PRDM7: variants seen among roughly 807,000 people sequenced by gnomAD.
The protein encoded by PRDM7 is histone-lysine N-methyltransferase PRDM7.
PRDM7 carries 52 observed loss-of-function variants against 64.3 expected under a neutral mutation model. That is an observed-to-expected ratio of 0.81 (90% CI 0.65 to 1.02). The LOEUF (loss-of-function observed/expected upper bound fraction) is 1.02. PRDM7 is among the 50% of genes least tolerant of loss of function. The pLI is 0.00. For synonymous variants in PRDM7, 192 were observed against 210.1 expected, an observed-to-expected ratio of 0.91 and a Z score of 0.74; for missense variants, 574 against 597.1, an observed-to-expected ratio of 0.96 and a Z score of 0.40.
chr16:90,057,721 G>T lies in PRDM7; in HGVS notation c.*568C>A. ...TTTCCGATCTCTTTACACTCTCGGG[G>T]AATGTAAGGGGTTAGCAGACTTTCG... is the stretch of plus-strand genomic sequence containing the variant. On this transcript the variant is annotated 3_prime_UTR_variant, in exon 11 of 11. Transcript: ENST00000449207. 1 of 1,238,534 alleles carries T rather than the reference G, an allele frequency of 8.1e-7. No individual in the cohort carries two copies. The highest frequency in any genetic ancestry group is 1.6e-5 in the African/African-American group (1 of 63,754). 76.7% of individuals were successfully genotyped at this position (1,238,534 alleles called of 1,614,324 possible).
In PRDM7 at chr16:90,075,581, G is replaced by A; in HGVS notation, c.70-107C>T. On this transcript the variant is annotated intron_variant, in intron 2 of 10. Coordinates refer to ENST00000449207, the MANE Select transcript of PRDM7 (RefSeq NM_001098173.2). The surrounding 1 kb of genome is among the most constrained non-coding windows in gnomAD (Gnocchi z 4.3). ...TAGCCTGGGGCCTCTGGGAGTCTCT[G>A]TGAAACATAAAGACCTTCCCTCCTT... The A allele has an allele frequency of 1.3e-6, 2 of 1,572,460 alleles. No individual in the cohort carries two copies. Among genetic ancestry groups the A allele is most frequent in the Non-Finnish European group, 1.7e-6 (2 of 1,143,976 alleles).
intron 4 of PRDM7, among the ~76,000 whole-genome samples, chr16:90,068,584 G>A (rs1439117092): frequency 1.1e-4 from 16 of 147,316 alleles, no homozygotes; most frequent in Admixed American, 4.7e-4. Context: ...GTAGTGAGCC[G>A]ATATCATGCC....
intron 4 of PRDM7, among the ~76,000 whole-genome samples, 162 bp from the exon 5 acceptor site, chr16:90,067,072 C>T (rs1304102801): frequency 1.3e-4 from 20 of 151,224 alleles, no homozygotes; most frequent in Non-Finnish European, 2.8e-4. Flanking sequence ...TCAAGCAATT[C>T]TCCTGCCTCA....
chr16:90,073,796 C>G (rs76897509), intron 4 of PRDM7, among the ~76,000 whole-genome samples: 6,993 of 151,802 alleles, frequency 0.046, 242 homozygotes, highest in East Asian at 0.15. Flanking sequence ...TTTTTTCCCC[C>G]CGAGACGGAG....
At chr16:90,062,620 G>A (rs1336529654) in intron 6 of PRDM7, 118 bp from the exon 7 acceptor site, 1 of 916,838 alleles carries the variant, frequency 1.1e-6, no homozygotes, top group Admixed American at 1.8e-5. Flanking sequence ...ACATACTCTA[G>A]TCTCCCTCTG....
intron 1 of PRDM7, 62 bp from the exon 2 acceptor site, chr16:90,076,057 C>G: frequency 1.1e-6 from 1 of 895,254 alleles, no homozygotes; most frequent in Admixed American, 2.4e-5. Context: ...GAACAAGGCT[C>G]TGTCTTCTCC....
rs370134157 is a variant in PRDM7, at chr16:90,058,022, C to T, written c.*267G>A. The T allele has an allele frequency of 2.0e-5, 32 of 1,609,322 alleles. No individual in the cohort carries two copies. Among genetic ancestry groups the T allele is most frequent in the South Asian group, 1.2e-4 (11 of 91,006 alleles). On this transcript the variant is annotated 3_prime_UTR_variant, in exon 11 of 11. Transcript: ENST00000449207. ...AAAGCCCTCCCACACTCTCTGCAGACGTAGGGCTTCCCCCCTGTGTGTGTC... is the reference window on the plus strand; with the variant it reads ...AAAGCCCTCCCACACTCTCTGCAGATGTAGGGCTTCCCCCCTGTGTGTGTC...
chr16:90,075,109 C>G lies in PRDM7; in HGVS notation c.194-86G>C. 1 of 1,448,866 alleles carries G rather than the reference C, an allele frequency of 6.9e-7. No individual in the cohort carries two copies. Among genetic ancestry groups the G allele is most frequent in the South Asian group, 1.2e-5 (1 of 86,138 alleles). The allele number at this position is 1,448,866 out of a possible 1,614,324, so 89.8% of individuals were successfully genotyped here. On this transcript the variant is annotated intron_variant, in intron 3 of 10. Transcript: ENST00000449207. The surrounding 1 kb of genome is among the most constrained non-coding windows in gnomAD (Gnocchi z 4.3). ...AGTGGCAATGGAAAGCACCACAAAG[C>G]CAGTGCTGCTCAGTCTGATGAGCTG...
chr16:90,072,538 A>C (rs2037976126), intron 4 of PRDM7, among the ~76,000 whole-genome samples: 1 of 152,210 alleles, frequency 6.6e-6, no homozygotes, highest in South Asian at 2.1e-4. Context: ...TAAAGTAACC[A>C]AATTCATAGA....
chr16:90,067,652 G>A (rs991830589), intron 4 of PRDM7, among the ~76,000 whole-genome samples: 4 of 147,240 alleles, frequency 2.7e-5, no homozygotes, highest in South Asian at 2.1e-4. Flanking sequence ...GTGCAGGGGC[G>A]CGAGGTCGGC....
At chr16:90,068,020 G>C (rs2037903423) in intron 4 of PRDM7, among the ~76,000 whole-genome samples, 1 of 151,310 alleles carries the variant, frequency 6.6e-6, no homozygotes. Context: ...CGTAGCCTGA[G>C]CAATTAGGCC....
Position 90,060,381 on chromosome 16 carries a change from C to T in PRDM7, c.1193G>A (p.Ser398Asn). ...GMSMARNWAS[S>N]GAASGRKSSW... ...GCTCTTTCTTCCACTTGCTGCCCCA[C>T]TTGATGCCCAGTTCCTGGCCATACT... The change falls in exon 10 of 11, where the codon AGT (serine) becomes AAT (asparagine). Residue 398 changes from serine (S) to asparagine (N), a missense_variant. By Grantham distance (46) the Ser-to-Asn change is conservative (BLOSUM62 1). Coordinates refer to ENST00000449207, the MANE Select transcript of PRDM7 (RefSeq NM_001098173.2). The T allele has an allele frequency of 6.2e-7, 1 of 1,613,998 alleles. No homozygotes were observed. The highest frequency in any genetic ancestry group is 8.5e-7 in the Non-Finnish European group (1 of 1,179,874).
intron 4 of PRDM7, among the ~76,000 whole-genome samples, chr16:90,072,055 C>G (rs928193240): frequency 6.6e-6 from 1 of 151,954 alleles, no homozygotes; most frequent in African/African-American, 2.4e-5. Flanking sequence ...ATGGTGAAAC[C>G]CCGTCTCTAC....
At chr16:90,074,890 A>T in intron 4 of PRDM7, 26 bp downstream of exon 4, 1 of 1,610,806 alleles carries the variant, frequency 6.2e-7, no homozygotes, top group Non-Finnish European at 8.5e-7. Context: ...TAAAAAAAAA[A>T]AAATCCTCCT....
chr16:90,072,975 T>C (rs2037983183), intron 4 of PRDM7, among the ~76,000 whole-genome samples: 1 of 152,192 alleles, frequency 6.6e-6, no homozygotes, highest in African/African-American at 2.4e-5. Context: ...TTCTCCAGTT[T>C]GGGCAGATTG....
chr16:90,067,839 C>G (rs1482163557), intron 4 of PRDM7, among the ~76,000 whole-genome samples: 1 of 150,962 alleles, frequency 6.6e-6, no homozygotes, highest in African/African-American at 2.5e-5. Context: ...ATCCTCCCAC[C>G]TCGGCCTCCC....
intron 4 of PRDM7, among the ~76,000 whole-genome samples, chr16:90,073,133 GCT>G (rs1259758934): frequency 1.3e-5 from 2 of 152,130 alleles, no homozygotes; most frequent in African/African-American, 4.8e-5. Flanking sequence ...CAACTAAACA[GCT>G]CTCTCAAACC....
intron 7 of PRDM7, 91 bp from the exon 8 acceptor site, chr16:90,062,283 A>G (rs1597684226): frequency 6.2e-7 from 1 of 1,613,942 alleles, no homozygotes; most frequent in East Asian, 2.2e-5. Context: ...CACATTATTT[A>G]GCCCCAATCC....
Position 90,062,467 on chromosome 16 carries a change from T to A in PRDM7, c.544A>T (p.Ser182Cys). 6.2e-7 allele frequency: 1 copy of A among 1,614,176 alleles called. No homozygotes were observed. The highest frequency in any genetic ancestry group is 1.1e-5 in the South Asian group (1 of 91,082). ...RRKETEGKMY[S>C]LRERKGHAYK... Reference sequence around the variant, plus strand: ...GCATGACCCTTTCTTTCTCGCAGGCTATACATCTTTCCTTCAGTCTCCTTC... The same window carrying A: ...GCATGACCCTTTCTTTCTCGCAGGCAATACATCTTTCCTTCAGTCTCCTTC... The change falls in exon 7 of 11, where the codon AGC becomes TGC. Residue 182 changes from serine to cysteine, a missense_variant. Transcript: ENST00000449207.
Sources: gnomAD v4.1 joint callset for allele counts (sites outside exome capture counted in the v4.1 genomes callset) on GRCh38, gnomAD v4.1.1 for gene constraint, Gnocchi (gnomAD v3.1) non-coding constraint, MANE v1.5 for transcripts, NCBI Gene and HGNC (gene_info 2026-07-23, HGNC 2026-07-21) for gene names.